Variants in CARM1 observed in about 807,000 individuals in gnomAD.
The protein encoded by CARM1 is histone-arginine methyltransferase CARM1.
CARM1 carries 14 observed loss-of-function variants against 72.7 expected under a neutral mutation model. The observed-to-expected ratio is 0.19, with a 90% CI of 0.13 to 0.30. The LOEUF is 0.30. CARM1 is among the 10% of genes least tolerant of loss of function. CARM1 has a pLI of 1.00. For missense variants in CARM1, 432 were observed against 833.7 expected, an observed-to-expected ratio of 0.52 and a Z score of 5.93; for synonymous variants, 333 against 345.5, an observed-to-expected ratio of 0.96 and a Z score of 0.40.
intron 1 of CARM1, among the ~76,000 whole-genome samples, chr19:10,881,706 C>T (rs530973916): frequency 9.2e-5 from 14 of 152,040 alleles, no homozygotes; most frequent in Non-Finnish European, 1.8e-4. Context: ...CCTTTCCCAG[C>T]CCACTGAGAC....
intron 1 of CARM1, among the ~76,000 whole-genome samples, chr19:10,879,323 T>TG (rs1263436518): frequency 6.6e-6 from 1 of 152,244 alleles, no homozygotes; most frequent in East Asian, 1.9e-4. Context: ...ACATGATCAC[T>TG]GCCAGCTGCA....
At chr19:10,910,392 A>G (rs867655695) in intron 4 of CARM1, among the ~76,000 whole-genome samples, 6 of 151,152 alleles carry the variant, frequency 4.0e-5, no homozygotes, top group Non-Finnish European at 5.9e-5. Context: ...GAGGCAGGAG[A>G]ATCACTTGAA....
rs375960903 is a variant in CARM1, at chr19:10,879,733, A to C, written c.220+7811A>C. On this transcript the variant is annotated intron_variant, in intron 1 of 15. Transcript: ENST00000327064. The stretch of plus-strand genomic sequence containing the variant: ...GGTTCAAGTCATTCTCCTGCATCAG[A>C]CTCCCAAGTAGCTAGGATTATAAGT... 3.3e-5 allele frequency among the ~76,000 whole-genome samples: 5 copies of C among 151,980 alleles called. No homozygotes were observed. The South Asian group carries it at 1.0e-3, about 32-fold the overall frequency.
chr19:10,882,357 C>T (rs1482528813), intron 1 of CARM1, among the ~76,000 whole-genome samples: 1 of 152,072 alleles, frequency 6.6e-6, no homozygotes, highest in African/African-American at 2.4e-5. Flanking sequence ...CCTGGCGGGG[C>T]GATCATGGGC....
At chr19:10,904,321 C>G (rs951972528) in intron 1 of CARM1, among the ~76,000 whole-genome samples, 1 of 152,258 alleles carries the variant, frequency 6.6e-6, no homozygotes, top group African/African-American at 2.4e-5. Flanking sequence ...TGGCCCGTTC[C>G]TGGCATCGCT....
At chr19:10,913,305 T>C (rs2074168544) in intron 5 of CARM1, among the ~76,000 whole-genome samples, 1 of 152,028 alleles carries the variant, frequency 6.6e-6, no homozygotes, top group Non-Finnish European at 1.5e-5. Context: ...ACACCTGTAA[T>C]CCCAGCACTT....
intron 1 of CARM1, among the ~76,000 whole-genome samples, chr19:10,897,224 C>T (rs1050526112): frequency 3.9e-5 from 6 of 152,200 alleles, no homozygotes; most frequent in Non-Finnish European, 7.3e-5. Context: ...CACTTAACCT[C>T]TCTGAGCAAA....
chr19:10,874,690 C>T (rs2146294623), intron 1 of CARM1, among the ~76,000 whole-genome samples: 1 of 152,308 alleles, frequency 6.6e-6, no homozygotes, highest in Non-Finnish European at 1.5e-5. Context: ...CCGCACCGCC[C>T]TCTTTATCCT....
rs750081402 is a variant in CARM1, at chr19:10,921,335, C to T, written c.1616-40C>T. 1.2e-5 allele frequency: 20 copies of T among 1,606,140 alleles called. 1 individual carries two copies. In the Admixed American group the frequency reaches 1.4e-4, roughly 11 times the overall value. On this transcript the variant is annotated intron_variant, in intron 14 of 15. Transcript: ENST00000327064. ...TGGGCTGGGTGGCTGGGGGCGGTGACGCCGTCTCCCTTCCTTCTTTCCTCC... is the reference window on the plus strand; with the variant it reads ...TGGGCTGGGTGGCTGGGGGCGGTGATGCCGTCTCCCTTCCTTCTTTCCTCC...
intron 1 of CARM1, among the ~76,000 whole-genome samples, chr19:10,901,252 G>A (rs1246897636): frequency 6.6e-6 from 1 of 152,108 alleles, no homozygotes; most frequent in Non-Finnish European, 1.5e-5. Flanking sequence ...CAAAGTGCTG[G>A]GATTACAGGC....
intron 1 of CARM1, among the ~76,000 whole-genome samples, chr19:10,875,418 GTTCTT>G (rs916115526): frequency 7.9e-5 from 12 of 151,260 alleles, no homozygotes; most frequent in Admixed American, 5.3e-4. Flanking sequence ...CACCTCAGCT[GTTCTT>G]TTCTTTTCTT....
intron 1 of CARM1, among the ~76,000 whole-genome samples, chr19:10,900,384 C>T (rs1425348897): frequency 6.6e-6 from 1 of 152,232 alleles, no homozygotes; most frequent in African/African-American, 2.4e-5. Context: ...TTCCTGCCTT[C>T]TCCCAGCTCT....
chr19:10,888,320 C>T (rs1316628543), intron 1 of CARM1, among the ~76,000 whole-genome samples: 1 of 152,178 alleles, frequency 6.6e-6, no homozygotes, highest in South Asian at 2.1e-4. Context: ...TCCCAGCTGG[C>T]TCTCTGGAGG....
intron 3 of CARM1, 85 bp from the exon 4 acceptor site, chr19:10,909,018 C>G (rs771656750): frequency 1.0e-6 from 1 of 1,001,598 alleles, no homozygotes; most frequent in Non-Finnish European, 1.6e-6. Context: ...CCTAGATGGC[C>G]CCTTGCTCTA....
intron 1 of CARM1, among the ~76,000 whole-genome samples, chr19:10,886,490 C>T (rs2073943589): frequency 6.6e-6 from 1 of 151,866 alleles, no homozygotes; most frequent in Admixed American, 6.6e-5. Context: ...GTCACCATGC[C>T]CCGCCCCCTC....
rs948601971 is a variant in CARM1, at chr19:10,912,752, C to A, written c.669+458C>A. Among the ~76,000 whole-genome samples, 7 of 152,106 alleles carry A rather than the reference C, an allele frequency of 4.6e-5. No homozygotes were observed. The highest frequency in any genetic ancestry group is 1.7e-4 in the African/African-American group (7 of 41,432). On this transcript the variant is annotated intron_variant, in intron 5 of 15. Coordinates refer to ENST00000327064, the MANE Select transcript of CARM1 (RefSeq NM_199141.2). The surrounding 1 kb of genome is among the most constrained non-coding windows in gnomAD (Gnocchi z 4.5). ...GCCTCTCCCATGGATCTGGGGTCGC[C>A]GGGGTCGTGGAGGGGCCATCTTTGT...
intron 1 of CARM1, among the ~76,000 whole-genome samples, chr19:10,886,111 C>T (rs1487189197): frequency 6.8e-6 from 1 of 146,384 alleles, no homozygotes; most frequent in Non-Finnish European, 1.5e-5. Flanking sequence ...GGCTGGAGTG[C>T]GATGGTGTGA....
Position 10,896,445 on chromosome 19 carries a change from A to G in CARM1, c.221-8506A>G, listed in dbSNP as rs559498065. On this transcript the variant is annotated intron_variant, in intron 1 of 15. Transcript: ENST00000327064. The surrounding 1 kb of genome is among the most constrained non-coding windows in gnomAD (Gnocchi z 5.2). ...AAGAGCTGCCCTCTTCCCCATCCCC[A>G]TTGCCTCCTGCCTGGCCAGCCATAG... is the stretch of plus-strand genomic sequence containing the variant. 3.3e-5 allele frequency among the ~76,000 whole-genome samples: 5 copies of G among 151,516 alleles called. No homozygotes were observed. In the East Asian group the frequency reaches 9.7e-4, roughly 29 times the overall value.
At chr19:10,921,002 G>T in intron 13 of CARM1, 48 bp from the exon 14 acceptor site, 2 of 1,612,796 alleles carry the variant, frequency 1.2e-6, no homozygotes, top group Non-Finnish European at 1.7e-6. Flanking sequence ...CTCGCCGCAG[G>T]CCTGGCCCCT....
Sources: gnomAD v4.1 joint callset for allele counts (sites outside exome capture counted in the v4.1 genomes callset) on GRCh38, gnomAD v4.1.1 for gene constraint, Gnocchi (gnomAD v3.1) non-coding constraint, MANE v1.5 for transcripts, NCBI Gene and HGNC (gene_info 2026-07-23, HGNC 2026-07-21) for gene names.